Variants in DST observed in about 807,000 individuals in gnomAD.
DST encodes bullous pemphigoid antigen.
A neutral mutation model predicts 875.2 loss-of-function variants in DST; 253 were observed. The observed-to-expected ratio is 0.29, with a 90% CI of 0.26 to 0.32. The LOEUF is 0.32. DST is among the 10% of genes least tolerant of loss of function. The pLI is 1.00. For missense variants in DST, 8,287 were observed against 9,111.6 expected (o/e 0.91, Z 3.68); for synonymous variants, 3,124 against 3,197.1 (o/e 0.98, Z 0.77).
intron 2 of DST, among the ~76,000 whole-genome samples, chr6:56,950,733 A>C (rs1325116707): frequency 6.6e-6 from 1 of 152,230 alleles, no homozygotes; most frequent in Non-Finnish European, 1.5e-5. Context: ...TACTGAAATG[A>C]AGTTACACTG....
At chr6:56,900,283 T>C (rs976554309) in intron 3 of DST, 138 bp downstream of exon 3, 1 of 642,392 alleles carries the variant, frequency 1.6e-6, no homozygotes, top group African/African-American at 1.9e-5. Context: ...GAAACTCATA[T>C]GAGTACGCTG....
chr6:56,784,738 C>T (rs2099701546), intron 4 of DST, among the ~76,000 whole-genome samples: 1 of 152,216 alleles, frequency 6.6e-6, no homozygotes, highest in Admixed American at 6.5e-5. Flanking sequence ...CAAAGTCATT[C>T]TCCATCCAGC....
intron 4 of DST, among the ~76,000 whole-genome samples, chr6:56,750,731 C>T (rs1489532084): frequency 6.6e-6 from 1 of 152,132 alleles, no homozygotes; most frequent in Non-Finnish European, 1.5e-5. Flanking sequence ...TAGCAACAGA[C>T]ACATACTGAG....
chr6:56,669,728 C>T (rs528871349), intron 10 of DST, among the ~76,000 whole-genome samples: 14 of 152,238 alleles, frequency 9.2e-5, no homozygotes, highest in African/African-American at 2.9e-4. Flanking sequence ...GTCTGCCACT[C>T]GCTGGCTGTA....
chr6:56,624,500 A>G, intron 36 of DST, 30 bp downstream of exon 36: 1 of 1,460,200 alleles, frequency 6.8e-7, no homozygotes, highest in Non-Finnish European at 9.6e-7. Context: ...GCTCCTTTAT[A>G]TTTACAGGGT....
In DST at chr6:56,536,827, C is replaced by T; in HGVS notation, c.16722G>A (p.Glu5574=). The T allele has an allele frequency of 6.2e-7, 1 of 1,609,472 alleles. No homozygotes were observed. The highest frequency in any genetic ancestry group is 8.5e-7 in the Non-Finnish European group (1 of 1,177,718). Residue 5574 remains glutamate (E), a synonymous_variant, in exon 62 of 104, where the codon GAG becomes GAA. Transcript: ENST00000680361. ...GTGCATTGACATCATCCAGGTCATG[C>T]TCCAAGCCCTGAGTGCTAGTGCTTT... ...AAKSTSTQGL[E]HDLDDVNARW... is the part of the protein sequence containing the mutation.
chr6:56,529,483 T>C lies in DST; in HGVS notation c.17560A>G (p.Thr5854Ala). ...LSKLSVQDYS[T>A]EGLWKQQSEL... is the part of the protein sequence containing the mutation. ...GACTGCTGCTTCCATAGCCCCTCAG[T>C]GCTGTAATCCTGGACTGAGAGCTTG... Residue 5854 changes from threonine to alanine, a missense_variant, in exon 66 of 104, where the codon ACT becomes GCT. Around this residue, in one of 10 missense-constraint regions of DST, gnomAD observed 777 missense variants for 764.8 expected, o/e 1.02. Transcript: ENST00000680361. 1.3e-6 allele frequency: 2 copies of C among 1,582,402 alleles called. No homozygotes were observed. The highest frequency in any genetic ancestry group is 1.7e-6 in the Non-Finnish European group (2 of 1,163,298).
intron 2 of DST, among the ~76,000 whole-genome samples, chr6:56,906,968 T>C (rs1005666361): frequency 3.3e-5 from 5 of 152,190 alleles, no homozygotes; most frequent in South Asian, 2.1e-4. Context: ...AATGTCTTCA[T>C]ACATAGTTAC....
At chr6:56,536,696 T>TACCACAAATATGATTCATGGTC (rs2097008326) in intron 62 of DST, 83 bp downstream of exon 62, 1 of 1,344,566 alleles carries the variant, frequency 7.4e-7, no homozygotes, top group African/African-American at 1.5e-5. Context: ...AAAGTTTGGC[T>TACCACAAATATGATTCATGGTC]ACCACAAATA....
At chr6:56,813,414 T>C (rs993269525) in intron 4 of DST, among the ~76,000 whole-genome samples, 1 of 151,886 alleles carries the variant, frequency 6.6e-6, no homozygotes, top group Non-Finnish European at 1.5e-5. Context: ...AAATAAAATG[T>C]CCACTTACGA....
intron 37 of DST, among the ~76,000 whole-genome samples, chr6:56,613,443 G>A (rs2098567105): frequency 6.6e-6 from 1 of 152,170 alleles, no homozygotes; most frequent in Admixed American, 6.5e-5. Flanking sequence ...CCCCTATTTA[G>A]TCATGTCAAC....
Position 56,872,084 on chromosome 6 carries a change from C to T in DST, c.418-20480G>A, listed in dbSNP as rs181485033. On this transcript the variant is annotated intron_variant, in intron 3 of 103. Coordinates refer to ENST00000680361, the MANE Select transcript of DST (RefSeq NM_001374736.1). ...CCAGTAATTCCACTAAGCATATACACAAGAAAAACTGCACATGAACAGTAA... is the reference window on the plus strand; with the variant it reads ...CCAGTAATTCCACTAAGCATATACATAAGAAAAACTGCACATGAACAGTAA... Among the ~76,000 whole-genome samples the T allele has an allele frequency of 2.1e-4, 32 of 152,178 alleles. No individual in the cohort carries two copies. The East Asian group carries it at 6.0e-3, about 28-fold the overall frequency.
intron 4 of DST, among the ~76,000 whole-genome samples, chr6:56,758,944 G>C (rs1449885390): frequency 6.6e-6 from 1 of 152,128 alleles, no homozygotes; most frequent in Non-Finnish European, 1.5e-5. Context: ...AAGCAGCAAA[G>C]AAGTTGCACA....
At chr6:56,950,619 A>G (rs1223609146) in intron 2 of DST, among the ~76,000 whole-genome samples, 1 of 152,234 alleles carries the variant, frequency 6.6e-6, no homozygotes, top group African/African-American at 2.4e-5. Flanking sequence ...GTCTTGCTAC[A>G]TCAATGTGAA....
intron 2 of DST, among the ~76,000 whole-genome samples, chr6:56,951,120 T>C (rs1822064082): frequency 6.6e-6 from 1 of 152,182 alleles, no homozygotes; most frequent in Admixed American, 6.5e-5. Flanking sequence ...GCAATTGGAC[T>C]CCTTCCTGGG....
intron 3 of DST, among the ~76,000 whole-genome samples, chr6:56,860,082 T>C (rs944245525): frequency 6.6e-6 from 1 of 152,150 alleles, no homozygotes; most frequent in African/African-American, 2.4e-5. Context: ...TACTGGAAAA[T>C]TTTCACATAA....
At chr6:56,900,999 G>C (rs566844045) in intron 2 of DST, among the ~76,000 whole-genome samples, 4 of 151,820 alleles carry the variant, frequency 2.6e-5, no homozygotes, top group Non-Finnish European at 5.9e-5. Context: ...AGCGGGACAG[G>C]ATATCATTCC....
In DST at chr6:56,572,183, TA is replaced by T; in HGVS notation, c.13637del (p.Leu4546TyrfsTer33). The T allele has an allele frequency of 6.4e-7, 1 of 1,560,732 alleles. No individual in the cohort carries two copies. Among genetic ancestry groups the T allele is most frequent in the East Asian group, 2.3e-5 (1 of 43,380 alleles). On this transcript the variant is annotated frameshift_variant, in exon 53 of 104. Coordinates refer to ENST00000680361, the MANE Select transcript of DST (RefSeq NM_001374736.1). LOFTEE classifies it high-confidence loss of function. ...CAAGGACCAAAGCCTTATCACTTGG[TA>T]AGCCATGGCTGGATATCTCCTTCAA... ...SLLKEISSHG[L>X]PSDKALVLEK... is the part of the protein sequence containing the mutation.
In DST at chr6:56,848,880, C is replaced by CA. The variant is rs1313508040; in HGVS notation, c.625+2516dup. Among the ~76,000 whole-genome samples, 128 of 147,140 alleles carry CA rather than the reference C, an allele frequency of 8.7e-4. 1 individual carries two copies. The highest frequency in any genetic ancestry group is 1.8e-3 in the African/African-American group (72 of 40,242). ...TGAAACCCCATCTCTACTAAAAATA[C>CA]AAAAAAAAAATTAGCTGGGCATGGT... On this transcript the variant is annotated intron_variant, in intron 4 of 103. Coordinates refer to ENST00000680361, the MANE Select transcript of DST (RefSeq NM_001374736.1).
Sources: allele counts gnomAD v4.1 joint callset (sites outside exome capture counted in the v4.1 genomes callset), GRCh38; gene constraint gnomAD v4.1.1; regional missense constraint gnomAD v4.1.1; transcripts MANE v1.5; gene names NCBI Gene and HGNC (gene_info 2026-07-23, HGNC 2026-07-21).